The following CPA6 variants were observed in gnomAD, a reference collection of about 807,000 sequenced individuals.
CPA6 encodes carboxypeptidase A6, also known as carboxypeptidase B.
Under a neutral mutation model 63.3 loss-of-function variants are expected in CPA6, and 58 were observed. The ratio of observed to expected loss-of-function variants is 0.92; its 90% confidence interval spans 0.74 to 1.14. The LOEUF (loss-of-function observed/expected upper bound fraction) is 1.14, where lower values mean the gene tolerates loss of function less well. Ranked by LOEUF, CPA6 falls within the 50% of genes most tolerant of loss-of-function variation. The pLI, the probability that CPA6 is intolerant of heterozygous loss-of-function variation, is 0.00. For synonymous variants in CPA6, 185 were observed against 179.0 expected (o/e 1.03, Z -0.27); for missense variants, 565 against 526.6 (o/e 1.07, Z -0.71).
intron 1 of CPA6, among the ~76,000 whole-genome samples, chr8:67,703,946 T>C (rs1016242389): frequency 7.2e-5 from 11 of 152,164 alleles, no homozygotes; most frequent in Non-Finnish European, 8.8e-5. Context: ...TTGTTGTTGT[T>C]GTTTTTGTTT....
chr8:67,460,190 G>A lies in CPA6; in HGVS notation c.838+23578C>T, dbSNP rs1587450185. Among the ~76,000 whole-genome samples, 4 of 152,298 alleles carry A rather than the reference G, an allele frequency of 2.6e-5. No homozygotes were observed. The South Asian group carries it at 8.3e-4, about 32-fold the overall frequency. The stretch of plus-strand genomic sequence containing the variant: ...ATTAGTTCCTAAGAACAAGAACCAA[G>A]TATTATTCGTACTGGCCCAGCATTG... On this transcript the variant is annotated intron_variant, in intron 8 of 10. Coordinates refer to ENST00000297770, the MANE Select transcript of CPA6 (RefSeq NM_020361.5).
chr8:67,557,122 T>C (rs1462893777), intron 2 of CPA6, among the ~76,000 whole-genome samples: 1 of 152,240 alleles, frequency 6.6e-6, no homozygotes, highest in Non-Finnish European at 1.5e-5. Context: ...GGATTCTTTG[T>C]TTTTGGAAAT....
At chr8:67,475,810 TTTCTTTCCTTTCTTTTCTTTC>T (rs1811177506) in intron 8 of CPA6, among the ~76,000 whole-genome samples, 3 of 73,726 alleles carry the variant, frequency 4.1e-5, no homozygotes, top group East Asian at 6.7e-4. Flanking sequence ...TCTTTCTTTC[TTTCTTTCCTTTCTTTTCTTTC>T]TTTCTTTCTT....
At chr8:67,467,498 T>A (rs1810952789) in intron 8 of CPA6, among the ~76,000 whole-genome samples, 1 of 152,204 alleles carries the variant, frequency 6.6e-6, no homozygotes, top group African/African-American at 2.4e-5. Context: ...CCAGGTACTC[T>A]AACCAGAAAC....
At chr8:67,683,810 T>C (rs1366056399) in intron 1 of CPA6, among the ~76,000 whole-genome samples, 3 of 151,546 alleles carry the variant, frequency 2.0e-5, no homozygotes, top group Non-Finnish European at 4.4e-5. Context: ...TATCTACCAA[T>C]TTCCTTCTTT....
chr8:67,503,905 T>A (rs1811878721), intron 6 of CPA6, among the ~76,000 whole-genome samples: 1 of 152,044 alleles, frequency 6.6e-6, no homozygotes. Context: ...GCTCCCATTT[T>A]CCCCCATCCC....
intron 10 of CPA6, among the ~76,000 whole-genome samples, chr8:67,426,936 A>G (rs1316970984): frequency 5.3e-5 from 8 of 152,246 alleles, no homozygotes; most frequent in Non-Finnish European, 1.5e-5. Context: ...TGGCAGAATT[A>G]GGACTACAAT....
chr8:67,484,720 G>A lies in CPA6; in HGVS notation c.706C>T (p.Pro236Ser). The change falls in exon 7 of 11, where the codon CCT becomes TCT. Residue 236 changes from proline (P) to serine (S), a missense_variant. Transcript: ENST00000297770. ...MLNHLYFYIM[P>S]VFNVDGYHFS... ...TGGTATCCATCGACGTTAAACACAGGCATGATATAGAAATATAGATGATTC... is the reference window on the plus strand; with the variant it reads ...TGGTATCCATCGACGTTAAACACAGACATGATATAGAAATATAGATGATTC... The A allele has an allele frequency of 1.2e-6, 2 of 1,609,424 alleles. No homozygotes were observed. The highest frequency in any genetic ancestry group is 1.7e-6 in the Non-Finnish European group (2 of 1,176,036).
chr8:67,653,955 T>C (rs1003826285), intron 1 of CPA6, among the ~76,000 whole-genome samples: 6 of 151,206 alleles, frequency 4.0e-5, no homozygotes, highest in African/African-American at 1.5e-4. Flanking sequence ...GCATGAAGCG[T>C]TGTTGAATTT....
At chr8:67,455,663 CAAAAAAA>C (rs552041509) in intron 8 of CPA6, among the ~76,000 whole-genome samples, 330 of 30,208 alleles carry the variant, frequency 0.011, no homozygotes, top group Middle Eastern at 0.071. Flanking sequence ...TCTACAAAAG[CAAAAAAA>C]AAAAAAAAAA....
intron 2 of CPA6, among the ~76,000 whole-genome samples, chr8:67,608,313 C>T (rs1324997134): frequency 1.3e-5 from 2 of 152,156 alleles, no homozygotes; most frequent in Non-Finnish European, 2.9e-5. Flanking sequence ...AGCCCAAACC[C>T]CAGGCTCCAT....
chr8:67,469,696 T>A (rs1811011918), intron 8 of CPA6, among the ~76,000 whole-genome samples: 1 of 152,256 alleles, frequency 6.6e-6, no homozygotes. Context: ...AACTGCAACG[T>A]GGGCACATCC....
chr8:67,454,537 AAGC>A (rs1810627587), intron 8 of CPA6, among the ~76,000 whole-genome samples: 1 of 152,240 alleles, frequency 6.6e-6, no homozygotes, highest in Non-Finnish European at 1.5e-5. Context: ...AGAAAGGAGC[AAGC>A]AGCATCAAAC....
At chr8:67,542,031 T>C (rs1200356448) in intron 2 of CPA6, among the ~76,000 whole-genome samples, 2 of 152,230 alleles carry the variant, frequency 1.3e-5, no homozygotes, top group Non-Finnish European at 2.9e-5. Context: ...AAGAAACCAG[T>C]ATAATATTTC....
At chr8:67,697,241 C>T (rs973062693) in intron 1 of CPA6, among the ~76,000 whole-genome samples, 1 of 152,188 alleles carries the variant, frequency 6.6e-6, no homozygotes, top group Non-Finnish European at 1.5e-5. Flanking sequence ...GAGCTAAAGC[C>T]ACTGGGGGCT....
chr8:67,682,424 C>G (rs1005621906), intron 1 of CPA6, among the ~76,000 whole-genome samples: 1 of 152,092 alleles, frequency 6.6e-6, no homozygotes, highest in African/African-American at 2.4e-5. Flanking sequence ...CATGTTTACT[C>G]TTCTATCTTC....
intron 1 of CPA6, among the ~76,000 whole-genome samples, chr8:67,661,803 C>T (rs2128992999): frequency 6.6e-6 from 1 of 152,306 alleles, no homozygotes; most frequent in East Asian, 1.9e-4. Flanking sequence ...CACTATTCTA[C>T]TGTCTGTCTC....
chr8:67,584,490 C>T (rs1375237358), intron 2 of CPA6, among the ~76,000 whole-genome samples: 1 of 152,122 alleles, frequency 6.6e-6, no homozygotes, highest in African/African-American at 2.4e-5. Context: ...GCCTAGCTGA[C>T]TTGACGGAGA....
intron 8 of CPA6, among the ~76,000 whole-genome samples, chr8:67,458,713 G>A (rs560201483): frequency 6.6e-6 from 1 of 152,274 alleles, no homozygotes; most frequent in East Asian, 1.9e-4. Context: ...TCAGTAATAA[G>A]AAAACAATTT....
Sources: allele counts gnomAD v4.1 joint callset (sites outside exome capture counted in the v4.1 genomes callset), GRCh38; gene constraint gnomAD v4.1.1; transcripts MANE v1.5; gene names NCBI Gene and HGNC (gene_info 2026-07-23, HGNC 2026-07-21).